Variants in EPHB2 observed in about 807,000 individuals in gnomAD.
EPHB2 encodes ephrin type-B receptor 2.
Under a neutral mutation model 96.4 loss-of-function variants are expected in EPHB2, and 18 were observed. The ratio of observed to expected loss-of-function variants is 0.19; its 90% CI spans 0.13 to 0.28. The LOEUF is 0.28. EPHB2 is among the 10% of genes least tolerant of loss of function. The pLI, the probability that EPHB2 is intolerant of heterozygous loss-of-function variation, is 1.00. For missense variants in EPHB2, 989 were observed against 1,355.4 expected, an observed-to-expected ratio of 0.73 and a Z score of 4.25; for synonymous variants, 506 against 534.1, an observed-to-expected ratio of 0.95 and a Z score of 0.72.
intron 3 of EPHB2, among the ~76,000 whole-genome samples, chr1:22,850,355 C>G (rs572844889): frequency 6.6e-6 from 1 of 152,306 alleles, no homozygotes; most frequent in African/African-American, 2.4e-5. Context: ...ATGGCCTGAA[C>G]AGGGGACCCG....
At chr1:22,900,492 T>C (rs905377232) in intron 9 of EPHB2, among the ~76,000 whole-genome samples, 1 of 152,112 alleles carries the variant, frequency 6.6e-6, no homozygotes, top group Non-Finnish European at 1.5e-5. Flanking sequence ...GGCACAGAGG[T>C]TGCACAGCTG....
chr1:22,910,681 G>A, intron 14 of EPHB2, 106 bp downstream of exon 14: 1 of 1,403,552 alleles, frequency 7.1e-7, no homozygotes, highest in Non-Finnish European at 9.9e-7. Context: ...CTGCAGCTTG[G>A]GATGGGGAAG....
At chr1:22,800,345 C>T (rs141548818) in intron 3 of EPHB2, 25 of 152,400 alleles carry the variant, frequency 1.6e-4, no homozygotes, top group African/African-American at 6.0e-4. Context: ...GTGGGTGACA[C>T]TGGAGCCTGC....
chr1:22,794,467 G>A (rs116255347), intron 3 of EPHB2, among the ~76,000 whole-genome samples: 18 of 152,166 alleles, frequency 1.2e-4, no homozygotes, highest in African/African-American at 3.6e-4. Context: ...ATGCTCACCC[G>A]GATGGGCCGT....
chr1:22,859,359 G>A lies in EPHB2; in HGVS notation c.812-3678G>A, dbSNP rs151104408. ...AGCACCAGACACTGAGGTAGGAGTGGTGGGCAAGTACCAGCCCCCTGGGGC... is the reference window on the plus strand; with the variant it reads ...AGCACCAGACACTGAGGTAGGAGTGATGGGCAAGTACCAGCCCCCTGGGGC... On this transcript the variant is annotated intron_variant, in intron 3 of 15. Coordinates refer to ENST00000374630, the MANE Select transcript of EPHB2 (RefSeq NM_017449.5). Among the ~76,000 whole-genome samples the A allele has an allele frequency of 5.7e-3, 863 of 151,940 alleles. 15 individuals carry two copies. Among genetic ancestry groups the A allele is most frequent in the African/African-American group, 0.02 (833 of 41,406 alleles).
intron 9 of EPHB2, among the ~76,000 whole-genome samples, chr1:22,898,196 G>A (rs137930025): frequency 7.5e-4 from 114 of 152,080 alleles, no homozygotes; most frequent in African/African-American, 2.5e-3. Context: ...ATGCAGAAGC[G>A]TGTGGTATAT....
At chr1:22,842,042 A>G (rs1311165777) in intron 3 of EPHB2, among the ~76,000 whole-genome samples, 1 of 152,136 alleles carries the variant, frequency 6.6e-6, no homozygotes, top group Admixed American at 6.5e-5. Context: ...GAGGAGCCAC[A>G]TGCCTGGGGT....
chr1:22,806,099 G>A (rs1557685504), intron 3 of EPHB2, among the ~76,000 whole-genome samples: 1 of 152,208 alleles, frequency 6.6e-6, no homozygotes, highest in Non-Finnish European at 1.5e-5. Context: ...CTAGACCACG[G>A]TTCTTCCCAT....
At chr1:22,825,230 A>G (rs1645206509) in intron 3 of EPHB2, among the ~76,000 whole-genome samples, 3 of 152,210 alleles carry the variant, frequency 2.0e-5, no homozygotes, top group Admixed American at 2.0e-4. Flanking sequence ...AGTTGGATAG[A>G]TGGTCAGAAG....
chr1:22,866,995 C>T (rs1047676372), intron 5 of EPHB2, among the ~76,000 whole-genome samples: 11 of 152,186 alleles, frequency 7.2e-5, no homozygotes, highest in Non-Finnish European at 1.0e-4. Flanking sequence ...TGTTTCCATG[C>T]ATGACCTCAC....
intron 9 of EPHB2, among the ~76,000 whole-genome samples, chr1:22,905,049 T>G: frequency 6.6e-6 from 1 of 151,974 alleles, no homozygotes; most frequent in Non-Finnish European, 1.5e-5. Context: ...GACTGGGAGG[T>G]CTGGATGTTG....
At chr1:22,888,027 G>A (rs946959425) in intron 6 of EPHB2, among the ~76,000 whole-genome samples, 1 of 151,918 alleles carries the variant, frequency 6.6e-6, no homozygotes, top group African/African-American at 2.4e-5. Flanking sequence ...TGGTTTTTTT[G>A]TTTGTTTGTT....
rs529004825 is a variant in EPHB2, at chr1:22,722,949, G to A, written c.61+11906G>A. Among the ~76,000 whole-genome samples, 15 of 152,344 alleles carry A rather than the reference G, an allele frequency of 9.8e-5. No homozygotes were observed. In the South Asian group the frequency reaches 1.0e-3, roughly 11 times the overall value. On this transcript the variant is annotated intron_variant, in intron 1 of 15. Coordinates refer to ENST00000374630, the MANE Select transcript of EPHB2 (RefSeq NM_017449.5). ...ACAGGAACAGCATCTGCAAAGATCC[G>A]GATAGGAGGCCCGTGAGTGTGTGAT... is the stretch of plus-strand genomic sequence containing the variant.
At position 22,913,833 on chromosome 1, in the gene EPHB2, C is replaced by A; in HGVS notation, c.*263C>A. 1 of 1,610,316 alleles carries A rather than the reference C, an allele frequency of 6.2e-7. No individual in the cohort carries two copies. ...CAAGGAATATTTTTTAAAGAGGATT[C>A]TCATAAGGAAAGCAATGACTGTTCT... On this transcript the variant is annotated 3_prime_UTR_variant, in exon 16 of 16. Coordinates refer to ENST00000374630, the MANE Select transcript of EPHB2 (RefSeq NM_017449.5). The surrounding 1 kb of genome is among the most constrained non-coding windows in gnomAD (Gnocchi z 4.1).
Position 22,914,180 on chromosome 1 carries a change from A to C in EPHB2, c.*610A>C. ...TCTGTCTTTGGAGAGTATTTTAGAA[A>C]CTCCAATGAAAGACACTGTTTCTCC... On this transcript the variant is annotated 3_prime_UTR_variant, in exon 16 of 16. Transcript: ENST00000374630. 3.4e-6 allele frequency: 1 copy of C among 297,136 alleles called. No homozygotes were observed. The highest frequency in any genetic ancestry group is 7.2e-5 in the South Asian group (1 of 13,914). 18.4% of individuals were successfully genotyped at this position (297,136 alleles called of 1,614,324 possible).
chr1:22,839,193 A>G (rs900032446), intron 3 of EPHB2, among the ~76,000 whole-genome samples: 5 of 152,174 alleles, frequency 3.3e-5, no homozygotes, highest in Admixed American at 1.3e-4. Context: ...CCCACATGCT[A>G]CTTCAGGATC....
intron 3 of EPHB2, among the ~76,000 whole-genome samples, chr1:22,847,972 C>A (rs1359810523): frequency 6.6e-6 from 1 of 152,162 alleles, no homozygotes; most frequent in Admixed American, 6.5e-5. Flanking sequence ...TACTCTCTCT[C>A]CCCTGCTAGA....
In EPHB2 at chr1:22,913,189, T is replaced by A. The variant is rs1258380705; in HGVS notation, c.2853-273T>A. The A allele has an allele frequency of 1.9e-6, 1 of 514,348 alleles. No individual in the cohort carries two copies. The highest frequency in any genetic ancestry group is 1.9e-5 in the African/African-American group (1 of 51,906). 31.9% of individuals were successfully genotyped at this position (514,348 alleles called of 1,614,324 possible). A position where few individuals can be genotyped will look rare whatever the true frequency, so the allele number is the denominator to read the frequency against. ...GCCTGGGTGACAGAGCGAGACTCTG[T>A]CTCGAAAAAGAAAGAAAATGTAAGC... On this transcript the variant is annotated intron_variant, in intron 15 of 15. Coordinates refer to ENST00000374630, the MANE Select transcript of EPHB2 (RefSeq NM_017449.5). The surrounding 1 kb of genome is among the most constrained non-coding windows in gnomAD (Gnocchi z 4.1).
intron 6 of EPHB2, among the ~76,000 whole-genome samples, chr1:22,883,544 G>T (rs1461353749): frequency 6.6e-6 from 1 of 152,222 alleles, no homozygotes; most frequent in Non-Finnish European, 1.5e-5. Flanking sequence ...TGACAGGGAG[G>T]CCTTTGGTTG....
Sources: gnomAD v4.1 joint callset for allele counts (sites outside exome capture counted in the v4.1 genomes callset) on GRCh38, gnomAD v4.1.1 for gene constraint, Gnocchi (gnomAD v3.1) non-coding constraint, MANE v1.5 for transcripts, NCBI Gene and HGNC (gene_info 2026-07-23, HGNC 2026-07-21) for gene names.